The following FLNC variants were observed in gnomAD, a reference collection of about 807,000 sequenced individuals.
FLNC encodes filamin-C.
Under a neutral mutation model 254.3 loss-of-function variants are expected in FLNC, and 91 were observed. The ratio of observed to expected loss-of-function variants is 0.36; its 90% CI spans 0.30 to 0.43. The LOEUF (loss-of-function observed/expected upper bound fraction) is 0.43, where lower values mean the gene tolerates loss of function less well. Ranked by LOEUF, FLNC falls within the 20% of genes least tolerant of loss-of-function variation. The pLI is 1.00. For missense variants in FLNC, 2,853 were observed against 3,802.6 expected, an observed-to-expected ratio of 0.75 and a Z score of 6.57; for synonymous variants, 1,430 against 1,577.2, an observed-to-expected ratio of 0.91 and a Z score of 2.21.
chr7:128,842,418 T>C lies in FLNC; in HGVS notation c.2265+44T>C. 1 of 1,612,556 alleles carries C rather than the reference T, an allele frequency of 6.2e-7. No homozygotes were observed. The highest frequency in any genetic ancestry group is 1.7e-4 in the Middle Eastern group (1 of 6,044). On this transcript the variant is annotated intron_variant, in intron 14 of 47. Transcript: ENST00000325888. The surrounding 1 kb of genome is among the most constrained non-coding windows in gnomAD (Gnocchi z 5.4). ...CCCCGTGCCCACCACCAGGGGTCCC[T>C]GAGGGAGGGCGGAACCCTCGCTGGA... is the stretch of plus-strand genomic sequence containing the variant.
intron 43 of FLNC, among the ~76,000 whole-genome samples, chr7:128,855,751 G>A (rs1250015343): frequency 6.6e-6 from 1 of 152,316 alleles, no homozygotes; most frequent in East Asian, 1.9e-4. Flanking sequence ...TCTTCAGGCC[G>A]CTGGGGGCCT....
intron 26 of FLNC, 151 bp downstream of exon 26, chr7:128,848,219 G>A: frequency 1.1e-5 from 12 of 1,067,608 alleles, no homozygotes; most frequent in Admixed American, 2.0e-5. Flanking sequence ...GCTCTTCCCC[G>A]GGGCTCTCTG....
intron 20 of FLNC, among the ~76,000 whole-genome samples, 177 bp from the exon 21 acceptor site, chr7:128,844,481 T>C (rs1808471399): frequency 6.6e-6 from 1 of 152,168 alleles, no homozygotes; most frequent in Non-Finnish European, 1.5e-5. Flanking sequence ...GAATCCCAGG[T>C]CCACTAACTG....
At chr7:128,850,664 C>A in intron 32 of FLNC, 139 bp from the exon 33 acceptor site, 3 of 1,383,126 alleles carry the variant, frequency 2.2e-6, no homozygotes, top group Non-Finnish European at 3.0e-6. Context: ...CAGTTCAGGG[C>A]TCAGGCCACT....
intron 21 of FLNC, 41 bp downstream of exon 21, chr7:128,845,296 T>C (rs869303508): frequency 6.5e-7 from 1 of 1,527,700 alleles, no homozygotes; most frequent in Admixed American, 1.7e-5. Flanking sequence ...AAGTGGCAGG[T>C]GCAGGAGCTG....
chr7:128,846,225 A>G, intron 22 of FLNC, 62 bp downstream of exon 22: 2 of 1,502,834 alleles, frequency 1.3e-6, no homozygotes, highest in Non-Finnish European at 1.8e-6. Context: ...CCGGGATCTG[A>G]TGATATTGCC....
At position 128,851,489 on chromosome 7, in the gene FLNC, G is replaced by A. The variant is rs1440069448; in HGVS notation, c.5703G>A (p.Lys1901=). 5.6e-6 allele frequency: 9 copies of A among 1,613,990 alleles called. No homozygotes were observed. Among genetic ancestry groups the A allele is most frequent in the Non-Finnish European group, 7.6e-6 (9 of 1,180,042 alleles). Residue 1901 remains lysine (K), a synonymous_variant, in exon 35 of 48, where the codon AAG becomes AAA. Coordinates refer to ENST00000325888, the MANE Select transcript of FLNC (RefSeq NM_001458.5). ...GLSLAVEGPS[K]AEITCKDNKD... The stretch of plus-strand genomic sequence containing the variant: ...CACTGGCCGTGGAGGGCCCATCCAA[G>A]GCAGAGATCACCTGTAAGGACAACA...
chr7:128,830,460 G>A lies in FLNC; in HGVS notation c.-178G>A, dbSNP rs1807838125. 1 of 612,826 alleles carries A rather than the reference G, an allele frequency of 1.6e-6. No individual in the cohort carries two copies. The highest frequency in any genetic ancestry group is 2.9e-6 in the Non-Finnish European group (1 of 348,636). The allele number at this position is 612,826 out of a possible 1,614,324, so 38.0% of individuals were successfully genotyped here. A position where few individuals can be genotyped will look rare whatever the true frequency, so the allele number is the denominator to read the frequency against. On this transcript the variant is annotated 5_prime_UTR_variant, in exon 1 of 48. Coordinates refer to ENST00000325888, the MANE Select transcript of FLNC (RefSeq NM_001458.5). ...AGGGAGAGAGAGCCAGAGAGCGGCC[G>A]AGCGCCTAGGAGGCCCGCCGAGCCT...
rs1481887648 is a variant in FLNC at position 128,835,608 on chromosome 7, T to G, written c.601+34T>G. 3 of 1,608,496 alleles carry G rather than the reference T, an allele frequency of 1.9e-6. No homozygotes were observed. Among genetic ancestry groups the G allele is most frequent in the Non-Finnish European group, 2.5e-6 (3 of 1,177,810 alleles). On this transcript the variant is annotated intron_variant, in intron 2 of 47. Coordinates refer to ENST00000325888, the MANE Select transcript of FLNC (RefSeq NM_001458.5). This position sits in a 1 kb window ranked among gnomAD's most constrained non-coding sequence, Gnocchi z 5.3. ...GCCAGTGAGCACAGCATGGAGCCCTTAGCTCCCAAAGACAGAGGGGACAAG... is the reference window on the plus strand; with the variant it reads ...GCCAGTGAGCACAGCATGGAGCCCTGAGCTCCCAAAGACAGAGGGGACAAG...
chr7:128,831,240 C>T lies in FLNC; in HGVS notation c.352+251C>T, dbSNP rs185199775. 1.6e-3 allele frequency among the ~76,000 whole-genome samples: 243 copies of T among 152,304 alleles called. 1 individual carries two copies. Among genetic ancestry groups the T allele is most frequent in the Admixed American group, 5.2e-3 (80 of 15,308 alleles). On this transcript the variant is annotated intron_variant, in intron 1 of 47. Transcript: ENST00000325888. ...GAGTCCAGGCCTTAGGGTTTGCGAG[C>T]CCTCCAGCTGCCGCCTCCCCATGCA...
chr7:128,830,860 G>C lies in FLNC; in HGVS notation c.223G>C (p.Glu75Gln). ...CGGGCTCCGGCTCATCGCGCTGCTC[G>C]AGGTGCTCAGCCAGAAGCGCATGTA... Reference protein sequence around the residue: ...SDGLRLIALLEVLSQKRMYRK... With the variant: ...SDGLRLIALLQVLSQKRMYRK... The change falls in exon 1 of 48, where the codon GAG becomes CAG. Residue 75 changes from glutamate (E) to glutamine (Q), a missense_variant. By Grantham distance (29) the Glu-to-Gln change is conservative. Coordinates refer to ENST00000325888, the MANE Select transcript of FLNC (RefSeq NM_001458.5). 2 of 1,613,162 alleles carry C rather than the reference G, an allele frequency of 1.2e-6. No individual in the cohort carries two copies.
chr7:128,852,738 C>T lies in FLNC; in HGVS notation c.5990C>T (p.Pro1997Leu). The change falls in exon 36 of 48, where the codon CCC (proline) becomes CTC (leucine). Residue 1997 changes from proline to leucine, a missense_variant. Coordinates refer to ENST00000325888, the MANE Select transcript of FLNC (RefSeq NM_001458.5). ...GAGCCCTGCCTGCTGAAGCGCCTGCCCAACCGGCACATTGGTGAGCGTGGG... is the reference window on the plus strand; with the variant it reads ...GAGCCCTGCCTGCTGAAGCGCCTGCTCAACCGGCACATTGGTGAGCGTGGG... Reference protein sequence around the residue: ...NEEPCLLKRLPNRHIGISFTP... With the variant: ...NEEPCLLKRLLNRHIGISFTP... 1 of 1,613,156 alleles carries T rather than the reference C, an allele frequency of 6.2e-7. No individual in the cohort carries two copies. The highest frequency in any genetic ancestry group is 8.5e-7 in the Non-Finnish European group (1 of 1,179,724).
rs1198962136 is a variant in FLNC at position 128,844,789 on chromosome 7, G to A, written c.3324G>A (p.Glu1108=). Residue 1108 remains glutamate, a synonymous_variant, in exon 21 of 48, where the codon GAG becomes GAA. Transcript: ENST00000325888. ...AGGGCCCCTGCGAGGCCAAGATCGA[G>A]TGCCAGGACAATGGTGATGGCTCAT... ...TVEGPCEAKI[E]CQDNGDGSCA... is the part of the protein sequence containing the mutation. 1.2e-6 allele frequency: 2 copies of A among 1,614,148 alleles called. No individual in the cohort carries two copies. The highest frequency in any genetic ancestry group is 1.7e-6 in the Non-Finnish European group (2 of 1,180,038).
rs2128940464 is a variant in FLNC, at chr7:128,857,568, C to T, written c.7780+232C>T. ...GGCCCCTCACTCCTTCAGCTCTGGC[C>T]TGCGCTGGCTCCTCAGGCTCTAGCA... On this transcript the variant is annotated intron_variant, in intron 46 of 47. Coordinates refer to ENST00000325888, the MANE Select transcript of FLNC (RefSeq NM_001458.5). This position sits in a 1 kb window ranked among gnomAD's most constrained non-coding sequence, Gnocchi z 4.5. Among the ~76,000 whole-genome samples the T allele has an allele frequency of 6.6e-6, 1 of 151,490 alleles. No individual in the cohort carries two copies. The highest frequency in any genetic ancestry group is 6.5e-5 in the Admixed American group (1 of 15,278).
Position 128,841,477 on chromosome 7 carries a change from G to A in FLNC, c.2031G>A (p.Leu677=). ...AGGTGAAGGCCTTTGGGCCTGGCCTGGAGCCTACCGGCTGCATCGTGGACA... is the reference window on the plus strand; with the variant it reads ...AGGTGAAGGCCTTTGGGCCTGGCCTAGAGCCTACCGGCTGCATCGTGGACA... The part of the protein sequence containing the change: ...PDKVKAFGPG[L]EPTGCIVDKP... Residue 677 remains leucine (L), a synonymous_variant, in exon 13 of 48, where the codon CTG becomes CTA. Transcript: ENST00000325888. This position sits in a 1 kb window ranked among gnomAD's most constrained non-coding sequence, Gnocchi z 4.3. 6.2e-7 allele frequency: 1 copy of A among 1,614,116 alleles called. No homozygotes were observed. Among genetic ancestry groups the A allele is most frequent in the Non-Finnish European group, 8.5e-7 (1 of 1,179,990 alleles).
At position 128,845,057 on chromosome 7, in the gene FLNC, G is replaced by C. The variant is rs201912847; in HGVS notation, c.3592G>C (p.Val1198Leu). The change falls in exon 21 of 48, where the codon GTC becomes CTC. Residue 1198 changes from valine to leucine, a missense_variant. This residue lies in a region of FLNC where 1,573 missense variants were observed against 1,883.5 expected (regional missense o/e 0.84). Coordinates refer to ENST00000325888, the MANE Select transcript of FLNC (RefSeq NM_001458.5). ...LTIEILSDAG[V>L]KAEVLIHNNA... ...CATTGAGATCCTGTCGGATGCCGGGGTCAAGGCCGAGGTGCTGATCCACAA... is the reference window on the plus strand; with the variant it reads ...CATTGAGATCCTGTCGGATGCCGGGCTCAAGGCCGAGGTGCTGATCCACAA... The C allele has an allele frequency of 1.3e-5, 21 of 1,613,758 alleles. No individual in the cohort carries two copies. In the African/African-American group the frequency reaches 2.1e-4, roughly 16 times the overall value.
At chr7:128,837,810 C>A in intron 5 of FLNC, 55 bp downstream of exon 5, 2 of 1,488,868 alleles carry the variant, frequency 1.3e-6, no homozygotes, top group Non-Finnish European at 1.8e-6. Flanking sequence ...AACCAGAGAG[C>A]GTGGGGCCAA....
intron 24 of FLNC, 36 bp from the exon 25 acceptor site, chr7:128,847,661 G>A (rs745932555): frequency 6.2e-7 from 1 of 1,612,222 alleles, no homozygotes; most frequent in South Asian, 1.1e-5. Context: ...ACCCATCAGG[G>A]CTGGTGGGCA....
rs758919268 is a variant in FLNC at position 128,855,031 on chromosome 7, C to T, written c.7135+119C>T. The stretch of plus-strand genomic sequence containing the variant: ...GAACTCCCCTCCCCGGAGCCCCCTG[C>T]TCTTCCTCTGCCCCGTCTCCCTCTA... On this transcript the variant is annotated intron_variant, in intron 42 of 47. Transcript: ENST00000325888. 328 of 1,192,522 alleles carry T rather than the reference C, an allele frequency of 2.8e-4. 1 individual carries two copies. The highest frequency in any genetic ancestry group is 3.8e-4 in the Non-Finnish European group (303 of 807,004). 73.9% of individuals were successfully genotyped at this position (1,192,522 alleles called of 1,614,324 possible). A position where few individuals can be genotyped will look rare whatever the true frequency, so the allele number is the denominator to read the frequency against.
Sources: allele counts gnomAD v4.1 joint callset (sites outside exome capture counted in the v4.1 genomes callset), GRCh38; gene constraint gnomAD v4.1.1; regional missense constraint gnomAD v4.1.1; non-coding constraint Gnocchi (gnomAD v3.1); transcripts MANE v1.5; gene names NCBI Gene and HGNC (gene_info 2026-07-23, HGNC 2026-07-21).